Variants in DPP10 observed in about 807,000 individuals in gnomAD.
DPP10 encodes the protein dipeptidyl peptidase like 10.
In DPP10, 33 loss-of-function variants were observed where a neutral mutation model predicts 120.9. The ratio of observed to expected loss-of-function variants is 0.27; its 90% CI spans 0.21 to 0.37. The LOEUF is 0.37. Ranked by LOEUF, DPP10 falls within the 10% of genes least tolerant of loss-of-function variation. The pLI is 1.00. For missense variants in DPP10, 816 were observed against 942.8 expected, an observed-to-expected ratio of 0.87 and a Z score of 1.76; for synonymous variants, 337 against 326.1, an observed-to-expected ratio of 1.03 and a Z score of -0.36.
At chr2:114,472,145 T>C (rs1271084023) in intron 1 of DPP10, among the ~76,000 whole-genome samples, 1 of 152,212 alleles carries the variant, frequency 6.6e-6, no homozygotes, top group Non-Finnish European at 1.5e-5. Context: ...GATTAGGCTA[T>C]CTGGGTTTGC....
intron 1 of DPP10, among the ~76,000 whole-genome samples, chr2:114,531,443 G>A (rs983603977): frequency 6.6e-6 from 1 of 151,102 alleles, no homozygotes; most frequent in Admixed American, 6.6e-5. Flanking sequence ...GAATTGACAT[G>A]AGCCAATTCC....
At chr2:114,923,066 C>T (rs1395467059) in intron 1 of DPP10, among the ~76,000 whole-genome samples, 3 of 152,098 alleles carry the variant, frequency 2.0e-5, no homozygotes, top group Admixed American at 6.6e-5. Flanking sequence ...ATCCTTTGCT[C>T]CCAAAATTGG....
intron 8 of DPP10, among the ~76,000 whole-genome samples, chr2:115,738,571 A>G (rs1676884909): frequency 6.6e-6 from 1 of 152,122 alleles, no homozygotes; most frequent in Admixed American, 6.5e-5. Flanking sequence ...TACCTATTTC[A>G]ACAAGCATTT....
At chr2:115,585,807 C>G (rs2082255692) in intron 5 of DPP10, among the ~76,000 whole-genome samples, 1 of 152,152 alleles carries the variant, frequency 6.6e-6, no homozygotes, top group African/African-American at 2.4e-5. Context: ...CACGTCGCCA[C>G]TTCCTCACAC....
At chr2:115,206,719 G>C (rs1437807229) in intron 1 of DPP10, among the ~76,000 whole-genome samples, 1 of 152,060 alleles carries the variant, frequency 6.6e-6, no homozygotes, top group Non-Finnish European at 1.5e-5. Flanking sequence ...ATTTAGCTTG[G>C]TTTACTCCTC....
intron 3 of DPP10, among the ~76,000 whole-genome samples, chr2:115,387,653 A>G (rs904201165): frequency 7.2e-5 from 11 of 152,202 alleles, no homozygotes; most frequent in African/African-American, 2.7e-4. Context: ...GTTATTGTTT[A>G]TCTGAAATTC....
intron 1 of DPP10, among the ~76,000 whole-genome samples, chr2:114,923,332 C>T (rs371879021): frequency 3.3e-5 from 5 of 151,636 alleles, no homozygotes; most frequent in East Asian, 1.9e-4. Context: ...TACACGTGTG[C>T]GCCATCACGA....
At chr2:115,244,889 T>C (rs2105606619) in intron 1 of DPP10, among the ~76,000 whole-genome samples, 1 of 151,558 alleles carries the variant, frequency 6.6e-6, no homozygotes, top group East Asian at 1.9e-4. Context: ...AGGTGTTTTC[T>C]GTTACATAGA....
chr2:115,031,531 A>T (rs1439201626), intron 1 of DPP10, among the ~76,000 whole-genome samples: 2 of 152,196 alleles, frequency 1.3e-5, no homozygotes, highest in Non-Finnish European at 2.9e-5. Flanking sequence ...CTACAGAGTC[A>T]TTCTTCTGCA....
chr2:114,581,592 C>A (rs557865435), intron 1 of DPP10, among the ~76,000 whole-genome samples: 1 of 152,152 alleles, frequency 6.6e-6, no homozygotes, highest in African/African-American at 2.4e-5. Flanking sequence ...CTGTGTTAAG[C>A]AAATTCATGT....
intron 1 of DPP10, among the ~76,000 whole-genome samples, chr2:115,006,316 G>C (rs913391143): frequency 6.0e-5 from 9 of 151,198 alleles, no homozygotes; most frequent in African/African-American, 2.2e-4. Context: ...CAACTAACGA[G>C]CAAAATAACC....
chr2:115,073,464 C>G (rs2104454337), intron 1 of DPP10, among the ~76,000 whole-genome samples: 1 of 152,314 alleles, frequency 6.6e-6, no homozygotes, highest in Non-Finnish European at 1.5e-5. Context: ...AAATCACTTC[C>G]AAACTTACCT....
chr2:114,907,546 A>C (rs2106635106), intron 1 of DPP10, among the ~76,000 whole-genome samples: 1 of 152,218 alleles, frequency 6.6e-6, no homozygotes, highest in South Asian at 2.1e-4. Context: ...ATCTGTGAGC[A>C]TTGGTTACTT....
intron 12 of DPP10, among the ~76,000 whole-genome samples, chr2:115,763,275 C>T (rs557836201): frequency 6.6e-6 from 1 of 151,880 alleles, no homozygotes; most frequent in East Asian, 1.9e-4. Context: ...TTTTATATTA[C>T]GTCTATGGCG....
intron 5 of DPP10, among the ~76,000 whole-genome samples, chr2:115,643,615 C>A (rs1449798682): frequency 6.6e-6 from 1 of 152,122 alleles, no homozygotes; most frequent in East Asian, 1.9e-4. Context: ...TATTCCAAGG[C>A]CCTTTTTAAA....
intron 1 of DPP10, among the ~76,000 whole-genome samples, chr2:114,789,398 C>T (rs924092616): frequency 1.3e-5 from 2 of 152,150 alleles, no homozygotes; most frequent in Admixed American, 6.5e-5. Flanking sequence ...AACTCATTCA[C>T]AGATGGGGCC....
intron 1 of DPP10, among the ~76,000 whole-genome samples, chr2:114,541,315 A>G (rs1323885900): frequency 6.6e-6 from 1 of 152,160 alleles, no homozygotes; most frequent in African/African-American, 2.4e-5. Flanking sequence ...ATGAAAGTAG[A>G]GTCAGCGTGA....
chr2:115,288,351 A>T (rs1315009386), intron 1 of DPP10, among the ~76,000 whole-genome samples: 1 of 151,974 alleles, frequency 6.6e-6, no homozygotes, highest in Non-Finnish European at 1.5e-5. Context: ...ATCTGTTCAT[A>T]TGATTATCTC....
chr2:114,805,338 C>T (rs910591036), intron 1 of DPP10, among the ~76,000 whole-genome samples: 5 of 152,178 alleles, frequency 3.3e-5, no homozygotes, highest in African/African-American at 9.6e-5. Flanking sequence ...AGGCATTCTA[C>T]TACCTTCTCC....
Sources: allele counts gnomAD v4.1 joint callset (sites outside exome capture counted in the v4.1 genomes callset), GRCh38; gene constraint gnomAD v4.1.1; transcripts MANE v1.5; gene names NCBI Gene and HGNC (gene_info 2026-07-23, HGNC 2026-07-21).